The following LARS2 variants were observed in gnomAD, a reference collection of about 807,000 sequenced individuals.
LARS2 encodes leucyl-tRNA synthetase 2, mitochondrial.
Under a neutral mutation model 116.6 loss-of-function variants are expected in LARS2, and 81 were observed. The ratio of observed to expected loss-of-function variants is 0.69; its 90% confidence interval spans 0.58 to 0.84. LARS2 has a LOEUF of 0.84. Ranked by LOEUF, LARS2 falls within the 40% of genes least tolerant of loss-of-function variation. The pLI is 0.00. For missense variants in LARS2, 968 were observed against 1,114.5 expected (o/e 0.87, Z 1.87); for synonymous variants, 396 against 407.2 (o/e 0.97, Z 0.33).
chr3:45,437,459 C>G (rs901793230), intron 6 of LARS2, among the ~76,000 whole-genome samples: 1 of 152,142 alleles, frequency 6.6e-6, no homozygotes, highest in African/African-American at 2.4e-5. Flanking sequence ...GAGACAGAAC[C>G]TTGGCAAAGA....
At chr3:45,397,405 A>T (rs1698065507) in intron 3 of LARS2, among the ~76,000 whole-genome samples, 1 of 152,218 alleles carries the variant, frequency 6.6e-6, no homozygotes, top group African/African-American at 2.4e-5. Context: ...TAAAGACTTT[A>T]GAAAACAATA....
In LARS2 at chr3:45,458,800, G is replaced by C; in HGVS notation, c.664G>C (p.Glu222Gln). Reference protein sequence around the residue: ...QTVLANEQVDEHGCSWRSGAK... With the variant: ...QTVLANEQVDQHGCSWRSGAK... ...AGTGCTTGCCAATGAGCAGGTGGATGAACATGGCTGTTCATGGCGTTCTGG... is the reference window on the plus strand; with the variant it reads ...AGTGCTTGCCAATGAGCAGGTGGATCAACATGGCTGTTCATGGCGTTCTGG... Residue 222 changes from glutamate (E) to glutamine (Q), a missense_variant, in exon 8 of 22, where the codon GAA becomes CAA. By Grantham distance (29) the Glu-to-Gln change is conservative (BLOSUM62 2). Coordinates refer to ENST00000645846, the MANE Select transcript of LARS2 (RefSeq NM_015340.4). The C allele has an allele frequency of 6.2e-7, 1 of 1,614,144 alleles. No individual in the cohort carries two copies. Among genetic ancestry groups the C allele is most frequent in the Non-Finnish European group, 8.5e-7 (1 of 1,179,976 alleles).
intron 2 of LARS2, among the ~76,000 whole-genome samples, chr3:45,393,834 G>GTAAA (rs953607805): frequency 2.0e-4 from 31 of 152,186 alleles, no homozygotes; most frequent in African/African-American, 6.7e-4. Context: ...TAAAAAGTAA[G>GTAAA]TAAATAAATA....
chr3:45,491,377 C>T (rs1205684846), intron 12 of LARS2, 140 bp from the exon 13 acceptor site: 2 of 807,964 alleles, frequency 2.5e-6, no homozygotes, highest in African/African-American at 3.4e-5. Context: ...ACCTAGGGCT[C>T]ATGAAAGTTA....
At chr3:45,531,903 G>A (rs1700621675) in intron 20 of LARS2, among the ~76,000 whole-genome samples, 1 of 152,110 alleles carries the variant, frequency 6.6e-6, no homozygotes, top group South Asian at 2.1e-4. Context: ...TAGTCACCAG[G>A]ATGCACAGTA....
At chr3:45,464,557 C>T (rs1276134874) in intron 8 of LARS2, among the ~76,000 whole-genome samples, 1 of 152,180 alleles carries the variant, frequency 6.6e-6, no homozygotes, top group Non-Finnish European at 1.5e-5. Context: ...CCCTTCACCC[C>T]TGTCACTCCT....
At chr3:45,418,269 C>G (rs1340204345) in intron 5 of LARS2, among the ~76,000 whole-genome samples, 1 of 152,220 alleles carries the variant, frequency 6.6e-6, no homozygotes, top group Admixed American at 6.5e-5. Flanking sequence ...AAGGGCAGTT[C>G]CAGGGCCTGT....
At chr3:45,443,482 G>A (rs937942432) in intron 6 of LARS2, among the ~76,000 whole-genome samples, 1 of 152,180 alleles carries the variant, frequency 6.6e-6, no homozygotes, top group African/African-American at 2.4e-5. Flanking sequence ...TATGATCCTT[G>A]TGAGACTGAA....
At chr3:45,443,995 A>G (rs541544255) in intron 6 of LARS2, among the ~76,000 whole-genome samples, 1 of 138,914 alleles carries the variant, frequency 7.2e-6, no homozygotes, top group African/African-American at 2.5e-5. Context: ...TCCTGACTAG[A>G]TCTATCCTCT....
chr3:45,523,943 AC>A (rs946379235), intron 19 of LARS2, 53 bp from the exon 20 acceptor site: 146 of 1,284,020 alleles, frequency 1.1e-4, no homozygotes, highest in Non-Finnish European at 1.6e-4. Context: ...GGTCTTTCTT[AC>A]CCGTGCTTAT....
At chr3:45,459,511 A>C (rs1699276698) in intron 8 of LARS2, among the ~76,000 whole-genome samples, 1 of 152,228 alleles carries the variant, frequency 6.6e-6, no homozygotes, top group African/African-American at 2.4e-5. Context: ...CAATACAATG[A>C]GCAGGTTGGA....
At chr3:45,395,966 A>T (rs1296995806) in intron 3 of LARS2, among the ~76,000 whole-genome samples, 2 of 152,250 alleles carry the variant, frequency 1.3e-5, no homozygotes, top group Admixed American at 1.3e-4. Flanking sequence ...AGACTAATGT[A>T]ACTTAATAGA....
chr3:45,434,955 A>C (rs1257765752), intron 6 of LARS2, among the ~76,000 whole-genome samples: 1 of 152,192 alleles, frequency 6.6e-6, no homozygotes, highest in African/African-American at 2.4e-5. Context: ...CCAAGCTATA[A>C]TTGTTCTATT....
At position 45,488,809 on chromosome 3, in the gene LARS2, TGAG is replaced by T. The variant is rs768974300; in HGVS notation, c.1238_1239+1del. ...GCACAGAGAGACTGAGCAGCTCTGCTGAGGTTGGTGACTAAGAACTTACTTCCA... is the reference window on the plus strand; with the variant it reads ...GCACAGAGAGACTGAGCAGCTCTGCTGTTGGTGACTAAGAACTTACTTCCA... On this transcript the variant is annotated inframe_deletion and splice_region_variant, in exon 12 of 22. Transcript: ENST00000645846. 1 of 1,584,712 alleles carries T rather than the reference TGAG, an allele frequency of 6.3e-7. No individual in the cohort carries two copies. Among genetic ancestry groups the T allele is most frequent in the South Asian group, 1.1e-5 (1 of 90,498 alleles).
chr3:45,442,561 A>G (rs1489188191), intron 6 of LARS2, among the ~76,000 whole-genome samples: 2 of 152,170 alleles, frequency 1.3e-5, no homozygotes, highest in African/African-American at 4.8e-5. Flanking sequence ...TTACCAGTGA[A>G]TAGCATTATG....
chr3:45,468,090 C>A (rs1699457441), intron 8 of LARS2, among the ~76,000 whole-genome samples: 1 of 151,480 alleles, frequency 6.6e-6, no homozygotes, highest in East Asian at 1.9e-4. Context: ...CAGAGTGAGA[C>A]ACTGTCTCAA....
chr3:45,484,620 A>ATATATATATATATATATATATAT (rs1180010440), intron 10 of LARS2, among the ~76,000 whole-genome samples: 6 of 14,010 alleles, frequency 4.3e-4, no homozygotes, highest in Non-Finnish European at 1.0e-3. Context: ...AAAAAAAAAA[A>ATATATATATATATATATATATAT]AAAAAAAAAA....
At chr3:45,405,368 C>T (rs1396472740) in intron 4 of LARS2, among the ~76,000 whole-genome samples, 2 of 152,202 alleles carry the variant, frequency 1.3e-5, no homozygotes, top group Non-Finnish European at 1.5e-5. Flanking sequence ...CTCCTTTGTT[C>T]CCAAGGAGTT....
chr3:45,502,880 T>C (rs1559490332), intron 15 of LARS2, among the ~76,000 whole-genome samples: 1 of 152,076 alleles, frequency 6.6e-6, no homozygotes, highest in Non-Finnish European at 1.5e-5. Flanking sequence ...TTTTAAGACT[T>C]TATTTTCTAA....
Sources: allele counts gnomAD v4.1 joint callset (sites outside exome capture counted in the v4.1 genomes callset), GRCh38; gene constraint gnomAD v4.1.1; transcripts MANE v1.5; gene names NCBI Gene and HGNC (gene_info 2026-07-23, HGNC 2026-07-21).